Variants in CEP85 observed in about 807,000 individuals in gnomAD.
CEP85 encodes the protein centrosomal protein 85.
Under a neutral mutation model 93.7 loss-of-function variants are expected in CEP85, and 58 were observed. The ratio of observed to expected loss-of-function variants is 0.62; its 90% CI spans 0.50 to 0.77. The LOEUF (loss-of-function observed/expected upper bound fraction) is 0.77, where lower values mean the gene tolerates loss of function less well. Among genes scored for constraint, CEP85 ranks in the 30% least tolerant of loss-of-function variants. CEP85 has a pLI of 0.00. For synonymous variants in CEP85, 314 were observed against 338.6 expected (o/e 0.93, Z 0.80); for missense variants, 868 against 922.0 (o/e 0.94, Z 0.76).
chr1:26,271,399 T>C (rs1192997443), intron 10 of CEP85: 3 of 300,594 alleles, frequency 1.0e-5, no homozygotes, highest in East Asian at 1.6e-4. Context: ...TTTGGTGCAC[T>C]TTATTCATGG....
Position 26,278,606 on chromosome 1 carries a change from G to C in CEP85, c.*1313G>C, listed in dbSNP as rs2090086615. 6.6e-6 allele frequency: 1 copy of C among 152,650 alleles called. No individual in the cohort carries two copies. Among genetic ancestry groups the C allele is most frequent in the Non-Finnish European group, 1.5e-5 (1 of 68,054 alleles). The allele number at this position is 152,650 out of a possible 1,614,324, so 9.5% of individuals were successfully genotyped here. On this transcript the variant is annotated 3_prime_UTR_variant, in exon 14 of 14. Coordinates refer to ENST00000451429, the MANE Select transcript of CEP85 (RefSeq NM_001319944.2). ...CTTCCATTCAGAGCAGCCCCACCCA[G>C]CCAGCCCTTCAGCCTCTGGGCTCCT...
chr1:26,248,928 G>T (rs538967368), intron 3 of CEP85, among the ~76,000 whole-genome samples: 1 of 151,160 alleles, frequency 6.6e-6, no homozygotes, highest in African/African-American at 2.4e-5. Context: ...GGGTTTCACC[G>T]TGTTAGCCAG....
At chr1:26,247,183 T>C (rs1327204329) in intron 3 of CEP85, among the ~76,000 whole-genome samples, 3 of 152,196 alleles carry the variant, frequency 2.0e-5, no homozygotes, top group Non-Finnish European at 2.9e-5. Flanking sequence ...AGTAGATTAA[T>C]GGTTTTCTAG....
chr1:26,250,925 C>CCTTTTT lies in CEP85; in HGVS notation c.209-4246_209-4245insCTTTTT, dbSNP rs2089598435. Among the ~76,000 whole-genome samples the CCTTTTT allele has an allele frequency of 8.0e-4, 44 of 55,128 alleles. 1 individual carries two copies. Among genetic ancestry groups the CCTTTTT allele is most frequent in the African/African-American group, 2.5e-3 (43 of 17,054 alleles). The allele number at this position is 55,128 out of a possible 152,430, so 36.2% of individuals were successfully genotyped here. ...TGAGCCAAGCTTGCCTTTTTTTTTT[C>CCTTTTT]TTTTTTCTTTTTTTTTTTTTTTTTT... On this transcript the variant is annotated intron_variant, in intron 3 of 13. Transcript: ENST00000451429.
intron 2 of CEP85, among the ~76,000 whole-genome samples, chr1:26,240,661 A>G (rs1335382284): frequency 6.6e-6 from 1 of 152,178 alleles, no homozygotes; most frequent in Non-Finnish European, 1.5e-5. Flanking sequence ...TTGGGAGCCC[A>G]AGGCGGGTGG....
Position 26,276,681 on chromosome 1 carries a change from T to C in CEP85, c.2049T>C (p.Asp683=). ...LHQELASCLQ[D]LQAVCSIVTQ... The stretch of plus-strand genomic sequence containing the variant: ...AGGAGTTGGCCAGTTGCCTTCAAGA[T>C]CTGCAGGCTGTCTGTAGCATTGTGA... Residue 683 remains aspartate (D), a synonymous_variant, in exon 13 of 14, where the codon GAT becomes GAC. Transcript: ENST00000451429. 6.2e-7 allele frequency: 1 copy of C among 1,614,170 alleles called. No homozygotes were observed. Among genetic ancestry groups the C allele is most frequent in the Non-Finnish European group, 8.5e-7 (1 of 1,180,016 alleles).
chr1:26,237,758 C>T (rs921933291), intron 1 of CEP85, among the ~76,000 whole-genome samples: 1 of 152,116 alleles, frequency 6.6e-6, no homozygotes, highest in Non-Finnish European at 1.5e-5. Context: ...CCTTCTGTCA[C>T]CGTATTTTCA....
intron 2 of CEP85, among the ~76,000 whole-genome samples, chr1:26,243,315 T>C (rs1320391788): frequency 1.8e-5 from 2 of 110,788 alleles, no homozygotes; most frequent in Non-Finnish European, 3.7e-5. Context: ...ATGGTGGTCT[T>C]GGTTGAGGGT....
chr1:26,239,817 A>G lies in CEP85; in HGVS notation c.34A>G (p.Ile12Val), dbSNP rs2089393209. ...AMQEKYPTEG[I>V]SHVTSPSSDV... is the part of the protein sequence containing the mutation. Reference sequence around the variant, plus strand: ...GCAGGAGAAATATCCAACTGAGGGGATCTCTCACGTCACTTCACCGAGTGA... The same window carrying G: ...GCAGGAGAAATATCCAACTGAGGGGGTCTCTCACGTCACTTCACCGAGTGA... Residue 12 changes from isoleucine to valine, a missense_variant, in exon 2 of 14, where the codon ATC (isoleucine) becomes GTC (valine). Coordinates refer to ENST00000451429, the MANE Select transcript of CEP85 (RefSeq NM_001319944.2). 2 of 1,613,858 alleles carry G rather than the reference A, an allele frequency of 1.2e-6. No individual in the cohort carries two copies. The highest frequency in any genetic ancestry group is 1.3e-5 in the African/African-American group (1 of 75,036).
intron 4 of CEP85, among the ~76,000 whole-genome samples, chr1:26,256,209 A>G (rs2089697860): frequency 6.6e-6 from 1 of 152,198 alleles, no homozygotes; most frequent in Non-Finnish European, 1.5e-5. Context: ...AGACTACATA[A>G]TCTGTACGGG....
intron 7 of CEP85, chr1:26,263,375 T>G: frequency 4.4e-6 from 1 of 227,622 alleles, no homozygotes; most frequent in Non-Finnish European, 8.9e-6. Flanking sequence ...CTGTCAAGAT[T>G]AAAGCCAGCT....
At chr1:26,272,198 C>A in intron 11 of CEP85, 127 bp downstream of exon 11, 1 of 878,154 alleles carries the variant, frequency 1.1e-6, no homozygotes, top group African/African-American at 1.7e-5. Flanking sequence ...AGAATGAGAC[C>A]CAGTCAGTGC....
intron 12 of CEP85, 151 bp downstream of exon 12, chr1:26,275,222 C>A: frequency 1.0e-5 from 6 of 574,668 alleles, no homozygotes; most frequent in Non-Finnish European, 1.3e-5. Flanking sequence ...TGCATTGCAT[C>A]ATTCTTTATA....
chr1:26,272,692 A>C (rs1196686851), intron 11 of CEP85, among the ~76,000 whole-genome samples: 1 of 136,922 alleles, frequency 7.3e-6, no homozygotes, highest in East Asian at 2.2e-4. Context: ...GCAATGGCGC[A>C]ATCTCGGCTC....
intron 4 of CEP85, among the ~76,000 whole-genome samples, 194 bp from the exon 5 acceptor site, chr1:26,257,403 T>C (rs987290235): frequency 6.6e-6 from 1 of 151,914 alleles, no homozygotes; most frequent in Non-Finnish European, 1.5e-5. Context: ...GAACAGGGAG[T>C]GTTCAGTTGG....
At chr1:26,258,945 C>G (rs1292149075) in intron 6 of CEP85, among the ~76,000 whole-genome samples, 1 of 152,090 alleles carries the variant, frequency 6.6e-6, no homozygotes, top group Non-Finnish European at 1.5e-5. Flanking sequence ...AGATAATATT[C>G]TCACTGAGAT....
chr1:26,274,121 T>G (rs1173453396), intron 11 of CEP85, among the ~76,000 whole-genome samples: 2 of 152,046 alleles, frequency 1.3e-5, no homozygotes, highest in African/African-American at 4.8e-5. Context: ...ATGAAGAGAA[T>G]GAGAGGCAGA....
At chr1:26,256,808 C>T (rs540753445) in intron 4 of CEP85, among the ~76,000 whole-genome samples, 4 of 151,582 alleles carry the variant, frequency 2.6e-5, no homozygotes, top group South Asian at 2.1e-4. Context: ...CATGCTGGCC[C>T]GCCTAGTCTC....
chr1:26,274,557 T>A (rs1426115878), intron 11 of CEP85, among the ~76,000 whole-genome samples: 1 of 152,176 alleles, frequency 6.6e-6, no homozygotes. Flanking sequence ...CAGGTGTGCC[T>A]TGGAGGTTTC....
Sources: gnomAD v4.1 joint callset for allele counts (sites outside exome capture counted in the v4.1 genomes callset) on GRCh38, gnomAD v4.1.1 for gene constraint, MANE v1.5 for transcripts, NCBI Gene and HGNC (gene_info 2026-07-23, HGNC 2026-07-21) for gene names.